PDZD9: variants seen among roughly 807,000 people sequenced by gnomAD.
The protein encoded by PDZD9 is PDZ domain containing 9.
Under a neutral mutation model 16.3 loss-of-function variants are expected in PDZD9, and 13 were observed. The observed-to-expected ratio is 0.80, with a 90% CI of 0.52 to 1.27. The LOEUF (loss-of-function observed/expected upper bound fraction) is 1.27, where lower values mean the gene tolerates loss of function less well. Ranked by LOEUF, PDZD9 falls within the 50% of genes most tolerant of loss-of-function variation. The pLI, the probability that PDZD9 is intolerant of heterozygous loss-of-function variation, is 0.00. For synonymous variants in PDZD9, 120 were observed against 111.0 expected, an observed-to-expected ratio of 1.08 and a Z score of -0.51; for missense variants, 288 against 310.9, an observed-to-expected ratio of 0.93 and a Z score of 0.55.
chr16:21,981,213 AT>A (rs940077117), downstream of PDZD9, among the ~76,000 whole-genome samples: 3 of 151,238 alleles, frequency 2.0e-5, no homozygotes, highest in Non-Finnish European at 4.4e-5. Context: ...GTTCTTGCTA[AT>A]TTTTTTTTCA....
rs573257001 is a variant in PDZD9, at chr16:21,994,971, C to T, written c.211+1351G>A. ...TCAGCCTCCTGAGTAGCTAGGATTA[C>T]GGGCACGCACCATGCCGGGCTGCTT... On this transcript the variant is annotated intron_variant, in intron 2 of 3. Coordinates refer to ENST00000424898, the MANE Select transcript of PDZD9 (RefSeq NM_001363519.1). Among the ~76,000 whole-genome samples, 13 of 152,098 alleles carry T rather than the reference C, an allele frequency of 8.5e-5. 1 individual carries two copies. In the Middle Eastern group the frequency reaches 0.01, roughly 119 times the overall value.
intron 3 of PDZD9, among the ~76,000 whole-genome samples, chr16:21,987,099 A>G (rs373286174): frequency 6.6e-6 from 1 of 152,124 alleles, no homozygotes; most frequent in East Asian, 1.9e-4. Context: ...TTTTGCAGGA[A>G]CATGCCAGGA....
intron 3 of PDZD9, among the ~76,000 whole-genome samples, chr16:21,985,141 G>A (rs1224836742): frequency 1.3e-5 from 2 of 151,878 alleles, no homozygotes; most frequent in Non-Finnish European, 2.9e-5. Context: ...TTTAGAGAGG[G>A]TCTTGCTCTG....
chr16:21,972,900 G>A, the PDZD9 span, among the ~76,000 whole-genome samples: 1 of 152,234 alleles, frequency 6.6e-6, no homozygotes, highest in African/African-American at 2.4e-5. Flanking sequence ...AGGAGATCAA[G>A]ACCATCCTGG....
At chr16:21,981,214 T>A (rs927794276), downstream of PDZD9, among the ~76,000 whole-genome samples, 1 of 151,928 alleles carries the variant, frequency 6.6e-6, no homozygotes, top group African/African-American at 2.4e-5. Context: ...TTCTTGCTAA[T>A]TTTTTTTTCA....
In PDZD9 at chr16:21,985,786, A is replaced by G. The variant is rs182201197; in HGVS notation, c.402-1126T>C. Reference sequence around the variant, plus strand: ...AGTCTGCCTGTTGTATTTGCTTCCAATAATTTGAATGGCTTTTCCAAAAGT... The same window carrying G: ...AGTCTGCCTGTTGTATTTGCTTCCAGTAATTTGAATGGCTTTTCCAAAAGT... On this transcript the variant is annotated intron_variant, in intron 3 of 3. Transcript: ENST00000424898. Among the ~76,000 whole-genome samples the G allele has an allele frequency of 3.6e-3, 547 of 152,320 alleles. 2 individuals are homozygous for G. Among genetic ancestry groups the G allele is most frequent in the South Asian group, 0.022 (105 of 4,828 alleles).
chr16:21,961,898 C>G, the PDZD9 span, among the ~76,000 whole-genome samples: 1 of 151,710 alleles, frequency 6.6e-6, no homozygotes, highest in African/African-American at 2.4e-5. Flanking sequence ...AGTGATCCGC[C>G]CACCTCGGCC....
At chr16:21,997,518 A>G (rs903820613) in intron 1 of PDZD9, among the ~76,000 whole-genome samples, 2 of 152,184 alleles carry the variant, frequency 1.3e-5, no homozygotes, top group Non-Finnish European at 2.9e-5. Flanking sequence ...AAAGCTGGAC[A>G]TGGTTAGATG....
At chr16:21,971,918 C>T in the PDZD9 span, 2 of 1,613,628 alleles carry the variant, frequency 1.2e-6, no homozygotes, top group Non-Finnish European at 1.7e-6. Flanking sequence ...TTAATCTGGC[C>T]CCAGGTGAAA....
the PDZD9 span, among the ~76,000 whole-genome samples, chr16:21,958,817 A>C: frequency 6.6e-6 from 1 of 152,154 alleles, no homozygotes; most frequent in South Asian, 2.1e-4. Flanking sequence ...ATATAGGCAT[A>C]CCTCAGAGAT....
the PDZD9 span, among the ~76,000 whole-genome samples, chr16:21,961,664 A>ATATATATG: frequency 7.7e-5 from 8 of 103,986 alleles, no homozygotes; most frequent in Non-Finnish European, 1.5e-4. Context: ...ATATATATAT[A>ATATATATG]TATATTTTAG....
intron 1 of PDZD9, among the ~76,000 whole-genome samples, chr16:21,998,600 G>A (rs1347119544): frequency 1.3e-5 from 2 of 151,918 alleles, no homozygotes; most frequent in African/African-American, 4.8e-5. Flanking sequence ...GCTGAGGCAC[G>A]AGAATCGCTT....
At chr16:21,965,950 C>G in the PDZD9 span, among the ~76,000 whole-genome samples, 1 of 152,084 alleles carries the variant, frequency 6.6e-6, no homozygotes, top group Non-Finnish European at 1.5e-5. Flanking sequence ...TCTCAAAGTG[C>G]TGGGATTACA....
intron 2 of PDZD9, among the ~76,000 whole-genome samples, chr16:21,993,037 C>T (rs1337177454): frequency 6.6e-6 from 1 of 152,160 alleles, no homozygotes; most frequent in Non-Finnish European, 1.5e-5. Context: ...ATGCCTGATT[C>T]CTCTTCCACT....
chr16:21,990,026 A>G (rs1330751543), intron 2 of PDZD9, among the ~76,000 whole-genome samples: 1 of 152,126 alleles, frequency 6.6e-6, no homozygotes, highest in East Asian at 1.9e-4. Context: ...GTAGTTACAC[A>G]CAGCTCTTGG....
the PDZD9 span, chr16:21,962,948 TAG>T: frequency 6.5e-7 from 1 of 1,530,582 alleles, no homozygotes; most frequent in East Asian, 2.3e-5. Flanking sequence ...GATCAATTTA[TAG>T]AAGAAAAAAA....
the PDZD9 span, among the ~76,000 whole-genome samples, chr16:21,961,662 A>ATATG: frequency 4.1e-5 from 4 of 98,324 alleles, no homozygotes; most frequent in African/African-American, 2.0e-4. Flanking sequence ...ATATATATAT[A>ATATG]TATATATTTT....
At chr16:21,964,615 G>T in the PDZD9 span, among the ~76,000 whole-genome samples, 3 of 152,050 alleles carry the variant, frequency 2.0e-5, no homozygotes, top group Non-Finnish European at 4.4e-5. Context: ...GTTCCCAAAT[G>T]ATTTCCCCTG....
chr16:21,983,048 T>C (rs1278730933), downstream of PDZD9: 3 of 1,587,640 alleles, frequency 1.9e-6, no homozygotes, highest in Non-Finnish European at 2.6e-6. Context: ...ATATATATTT[T>C]TATTTTTGTT....
Sources: gnomAD v4.1 joint callset for allele counts (sites outside exome capture counted in the v4.1 genomes callset) on GRCh38, gnomAD v4.1.1 for gene constraint, MANE v1.5 for transcripts, NCBI Gene and HGNC (gene_info 2026-07-23, HGNC 2026-07-21) for gene names.